Variants in XKR6 observed in about 807,000 individuals in gnomAD.
The protein encoded by XKR6 is XK-related protein 6.
A neutral mutation model predicts 56.7 loss-of-function variants in XKR6; 22 were observed. The ratio of observed to expected loss-of-function variants is 0.39; its 90% CI spans 0.28 to 0.55. The LOEUF (loss-of-function observed/expected upper bound fraction) is 0.55, where lower values mean the gene tolerates loss of function less well. XKR6 is among the 20% of genes least tolerant of loss of function. The pLI, the probability that XKR6 is intolerant of heterozygous loss-of-function variation, is 0.66. For missense variants in XKR6, 852 were observed against 889.0 expected (o/e 0.96, Z 0.53); for synonymous variants, 524 against 387.8 (o/e 1.35, Z -4.13).
chr8:11,114,640 C>T (rs555584888), intron 1 of XKR6, among the ~76,000 whole-genome samples: 6 of 152,182 alleles, frequency 3.9e-5, no homozygotes, highest in South Asian at 2.1e-4. Context: ...GGATGACAGG[C>T]GTGAGCCACC....
At chr8:10,933,773 C>A (rs1348310205) in intron 1 of XKR6, among the ~76,000 whole-genome samples, 63 of 147,460 alleles carry the variant, frequency 4.3e-4, no homozygotes, top group Non-Finnish European at 5.2e-4. Context: ...GTTTTGGTAC[C>A]AGTACCATGC....
rs183122415 is a variant in XKR6 at position 11,040,245 on chromosome 8, C to G, written c.765-115415G>C. 3.9e-4 allele frequency among the ~76,000 whole-genome samples: 59 copies of G among 151,834 alleles called. No individual in the cohort carries two copies. In the South Asian group the frequency reaches 7.3e-3, roughly 19 times the overall value. ...CCGGCCCTGCCTCAGTCCCTCAAAA[C>G]TACCACAGCCTCACGCCTGGAATCC... On this transcript the variant is annotated intron_variant, in intron 1 of 2. Coordinates refer to ENST00000416569, the MANE Select transcript of XKR6 (RefSeq NM_173683.4).
intron 1 of XKR6, among the ~76,000 whole-genome samples, chr8:10,945,128 C>G (rs1194779422): frequency 1.3e-5 from 2 of 152,190 alleles, no homozygotes; most frequent in African/African-American, 2.4e-5. Context: ...ATTTCCCCAC[C>G]AGCAAGTAGG....
chr8:11,136,283 G>A (rs1449102849), intron 1 of XKR6, among the ~76,000 whole-genome samples: 1 of 152,208 alleles, frequency 6.6e-6, no homozygotes, highest in African/African-American at 2.4e-5. Flanking sequence ...GGGAGGCCAA[G>A]GTGGGCAGAT....
chr8:11,147,809 A>G (rs1170056744), intron 1 of XKR6, among the ~76,000 whole-genome samples: 1 of 152,242 alleles, frequency 6.6e-6, no homozygotes, highest in Non-Finnish European at 1.5e-5. Context: ...AGTGCTGGCA[A>G]GTATTACAGG....
chr8:11,197,408 C>CA (rs1449284959), intron 1 of XKR6, among the ~76,000 whole-genome samples: 1 of 152,170 alleles, frequency 6.6e-6, no homozygotes, highest in Non-Finnish European at 1.5e-5. Flanking sequence ...ATCAATGCAA[C>CA]AGGCAAACTA....
At chr8:11,101,015 G>GA (rs1798454370) in intron 1 of XKR6, among the ~76,000 whole-genome samples, 1 of 152,136 alleles carries the variant, frequency 6.6e-6, no homozygotes, top group Non-Finnish European at 1.5e-5. Flanking sequence ...CCCTGCAGTG[G>GA]TACCACGCAC....
At chr8:11,137,021 G>C (rs933190620) in intron 1 of XKR6, 2 of 152,330 alleles carry the variant, frequency 1.3e-5, no homozygotes, top group African/African-American at 2.4e-5. Flanking sequence ...AGAGGAAAAA[G>C]ATGGTAGAAG....
rs1260231733 is a variant in XKR6 at position 11,024,204 on chromosome 8, G to GGGGTGTGTGT, written c.765-99375_765-99374insACACACACCC. 4.1e-4 allele frequency among the ~76,000 whole-genome samples: 56 copies of GGGGTGTGTGT among 136,900 alleles called. 1 individual carries two copies. The Middle Eastern group carries it at 0.026, about 62-fold the overall frequency. The allele number at this position is 136,900 out of a possible 152,430, so 89.8% of individuals were successfully genotyped here. Reference sequence around the variant, plus strand: ...GTTGCAGACAACATACCTGTTAGGAGGTGTGTGTGTGTGTGTGTGTGTGTG... The same window carrying GGGGTGTGTGT: ...GTTGCAGACAACATACCTGTTAGGAGGGGTGTGTGTGTGTGTGTGTGTGTGTGTGTGTGTG... On this transcript the variant is annotated intron_variant, in intron 1 of 2. Coordinates refer to ENST00000416569, the MANE Select transcript of XKR6 (RefSeq NM_173683.4).
intron 1 of XKR6, among the ~76,000 whole-genome samples, chr8:11,057,728 A>T (rs1799722359): frequency 6.6e-6 from 1 of 152,130 alleles, no homozygotes; most frequent in South Asian, 2.1e-4. Flanking sequence ...TTCAATGCCC[A>T]CCTGTCAAAC....
At chr8:11,194,466 A>AT (rs1383439068) in intron 1 of XKR6, 2 of 152,246 alleles carry the variant, frequency 1.3e-5, no homozygotes, top group Non-Finnish European at 2.9e-5. Context: ...ATTTTCATAA[A>AT]TTTTTTAAAA....
chr8:10,949,901 C>A (rs2129126599), intron 1 of XKR6, among the ~76,000 whole-genome samples: 1 of 152,284 alleles, frequency 6.6e-6, no homozygotes, highest in East Asian at 1.9e-4. Context: ...CCTTTCCCAG[C>A]CCGGCCTGTC....
intron 1 of XKR6, among the ~76,000 whole-genome samples, chr8:11,062,353 T>C (rs1010366867): frequency 6.6e-6 from 1 of 152,226 alleles, no homozygotes; most frequent in Non-Finnish European, 1.5e-5. Flanking sequence ...GCCGAATATT[T>C]ATAAATGGAA....
At chr8:11,175,902 CAAG>C (rs1283653262) in intron 1 of XKR6, among the ~76,000 whole-genome samples, 5 of 152,108 alleles carry the variant, frequency 3.3e-5, no homozygotes, top group African/African-American at 1.2e-4. Flanking sequence ...AATCCAAGAA[CAAG>C]AATACAGGTT....
chr8:11,015,573 G>C (rs1798600082), intron 1 of XKR6, among the ~76,000 whole-genome samples: 1 of 152,278 alleles, frequency 6.6e-6, no homozygotes, highest in South Asian at 2.1e-4. Context: ...GTCTGACCGA[G>C]GGGATGAGTG....
At chr8:10,978,676 C>G (rs958378075) in intron 1 of XKR6, among the ~76,000 whole-genome samples, 3 of 152,214 alleles carry the variant, frequency 2.0e-5, no homozygotes, top group African/African-American at 7.2e-5. Flanking sequence ...TTGCTTGACC[C>G]TCTTCACTTC....
intron 1 of XKR6, among the ~76,000 whole-genome samples, chr8:11,038,131 C>G (rs1033098113): frequency 1.3e-5 from 2 of 152,054 alleles, no homozygotes; most frequent in Admixed American, 1.3e-4. Flanking sequence ...CGAAAGGGGC[C>G]GGTTTTTCTC....
At chr8:11,078,630 C>A (rs369286900) in intron 1 of XKR6, among the ~76,000 whole-genome samples, 1 of 152,154 alleles carries the variant, frequency 6.6e-6, no homozygotes, top group South Asian at 2.1e-4. Context: ...TCCCTTCCTG[C>A]GAGTCTCAAG....
chr8:11,145,683 T>C (rs1800945550), intron 1 of XKR6, among the ~76,000 whole-genome samples: 2 of 152,224 alleles, frequency 1.3e-5, no homozygotes, highest in African/African-American at 4.8e-5. Context: ...AACTACAACA[T>C]AATTGCTAAG....
Sources: gnomAD v4.1 joint callset for allele counts (sites outside exome capture counted in the v4.1 genomes callset) on GRCh38, gnomAD v4.1.1 for gene constraint, MANE v1.5 for transcripts, NCBI Gene and HGNC (gene_info 2026-07-23, HGNC 2026-07-21) for gene names.